Variants in EZH1 observed in about 807,000 individuals in gnomAD.
The protein encoded by EZH1 is histone-lysine N-methyltransferase EZH1.
EZH1 carries 33 observed loss-of-function variants against 100.5 expected under a neutral mutation model. That is an observed-to-expected ratio of 0.33 (90% CI 0.25 to 0.44). EZH1 has a LOEUF of 0.44. EZH1 is among the 20% of genes least tolerant of loss of function. The probability of loss-of-function intolerance (pLI) is 1.00; values close to 1 mark genes in which losing one functional copy is unlikely to be tolerated. For missense variants in EZH1, 475 were observed against 928.4 expected (o/e 0.51, Z 6.35); for synonymous variants, 272 against 313.8 (o/e 0.87, Z 1.41).
intron 11 of EZH1, 28 bp downstream of exon 11, chr17:42,713,179 GAA>G (rs1567989428): frequency 1.2e-6 from 2 of 1,608,796 alleles, no homozygotes; most frequent in African/African-American, 1.3e-5. Flanking sequence ...TGCATGGAAA[GAA>G]AAAGTCTTCA....
In EZH1 at chr17:42,705,088, C is replaced by G; in HGVS notation, c.1935G>C (p.Glu645Asp). ...KNEFISEYCG[E>D]LISQDEADRR... ...TGTGGGCCAAAACTATAGCACTCAC[C>G]TCACCACAGTATTCAGAAATGAATT... Residue 645 changes from glutamate to aspartate, a missense_variant and splice_region_variant, in exon 17 of 21, where the codon GAG (glutamate) becomes GAC (aspartate). By Grantham distance (45) the Glu-to-Asp change is conservative. Coordinates refer to ENST00000428826, the MANE Select transcript of EZH1 (RefSeq NM_001991.5). The G allele has an allele frequency of 6.2e-7, 1 of 1,612,730 alleles. No homozygotes were observed. Among genetic ancestry groups the G allele is most frequent in the Non-Finnish European group, 8.5e-7 (1 of 1,178,968 alleles).
intron 19 of EZH1, 58 bp from the exon 20 acceptor site, chr17:42,703,019 T>C: frequency 6.5e-7 from 1 of 1,530,654 alleles, no homozygotes; most frequent in Non-Finnish European, 9.0e-7. Flanking sequence ...CAATAACCAG[T>C]AGGCTTCTGG....
chr17:42,704,416 T>A, intron 18 of EZH1, among the ~76,000 whole-genome samples, 186 bp downstream of exon 18: 1 of 151,886 alleles, frequency 6.6e-6, no homozygotes. Flanking sequence ...TGGCAGGTGC[T>A]TGTAGTCCCA....
chr17:42,742,600 C>G (rs1202939949), intron 1 of EZH1, among the ~76,000 whole-genome samples: 1 of 152,190 alleles, frequency 6.6e-6, no homozygotes, highest in Non-Finnish European at 1.5e-5. Flanking sequence ...TCACCTGACT[C>G]CCAGTGCCAG....
rs2143794936 is a variant in EZH1 at position 42,720,152 on chromosome 17, C to T, written c.664+121G>A. 5 of 1,020,300 alleles carry T rather than the reference C, an allele frequency of 4.9e-6. No homozygotes were observed. In the South Asian group the frequency reaches 6.8e-5, roughly 14 times the overall value. The allele number at this position is 1,020,300 out of a possible 1,614,324, so 63.2% of individuals were successfully genotyped here. On this transcript the variant is annotated intron_variant, in intron 7 of 20. Coordinates refer to ENST00000428826, the MANE Select transcript of EZH1 (RefSeq NM_001991.5). ...GCTATCACTTAATGATCATGTTCTCCTTTTAAGTGAACCAACAAGAAGCAC... is the reference window on the plus strand; with the variant it reads ...GCTATCACTTAATGATCATGTTCTCTTTTTAAGTGAACCAACAAGAAGCAC...
chr17:42,727,537 C>T (rs1201068846), intron 4 of EZH1, 98 bp downstream of exon 4: 5 of 1,421,792 alleles, frequency 3.5e-6, no homozygotes, highest in Non-Finnish European at 4.8e-6. Context: ...GCCACCATAC[C>T]TTGTCTTACT....
intron 10 of EZH1, among the ~76,000 whole-genome samples, chr17:42,714,796 G>A (rs917042482): frequency 6.8e-5 from 10 of 148,052 alleles, no homozygotes; most frequent in Admixed American, 5.6e-4. Context: ...GATATTATGT[G>A]CCTATGCTGT....
At chr17:42,723,373 C>A (rs1425279379) in intron 5 of EZH1, among the ~76,000 whole-genome samples, 192 of 142,428 alleles carry the variant, frequency 1.3e-3, no homozygotes, top group South Asian at 1.8e-3. Flanking sequence ...GACTCCGTCT[C>A]AAAAAAAAAA....
At chr17:42,707,314 GCA>G (rs2053377558) in intron 15 of EZH1, among the ~76,000 whole-genome samples, 1 of 151,974 alleles carries the variant, frequency 6.6e-6, no homozygotes, top group African/African-American at 2.4e-5. Context: ...AGGCTGGAGT[GCA>G]GTGGCACAAT....
intron 2 of EZH1, among the ~76,000 whole-genome samples, chr17:42,729,418 C>T (rs968518405): frequency 6.6e-6 from 1 of 151,708 alleles, no homozygotes; most frequent in African/African-American, 2.4e-5. Context: ...AAAAACAAAA[C>T]AAAACAAAAA....
chr17:42,731,135 A>G (rs1356475831), intron 1 of EZH1, among the ~76,000 whole-genome samples: 2 of 149,626 alleles, frequency 1.3e-5, no homozygotes, highest in Non-Finnish European at 3.0e-5. Flanking sequence ...TTTTTTTTTT[A>G]AAGACAGAGT....
intron 4 of EZH1, among the ~76,000 whole-genome samples, chr17:42,724,805 T>A (rs1281000216): frequency 6.6e-6 from 1 of 151,212 alleles, no homozygotes; most frequent in Non-Finnish European, 1.5e-5. Flanking sequence ...AGAAAAAAAA[T>A]GATCTTAGTA....
chr17:42,703,692 A>AAAGAG, intron 19 of EZH1, 48 bp downstream of exon 19: 9 of 1,307,308 alleles, frequency 6.9e-6, no homozygotes, highest in Non-Finnish European at 1.0e-5. Context: ...AAATCACAGT[A>AAAGAG]AAGAGGCATC....
At position 42,704,565 on chromosome 17, in the gene EZH1, A is replaced by G. The variant is rs747323061; in HGVS notation, c.2017+37T>C. 1.3e-5 allele frequency: 20 copies of G among 1,547,820 alleles called. 1 individual carries two copies. Among genetic ancestry groups the G allele is most frequent in the Admixed American group, 3.8e-5 (2 of 52,292 alleles). On this transcript the variant is annotated intron_variant, in intron 18 of 20. Transcript: ENST00000428826. ...TCCGTCTCAAAAAAAGAAAAAAAAA[A>G]AAGACCACCTTGGGATGAGACAAAG...
At chr17:42,728,302 C>T (rs2053865167) in intron 3 of EZH1, among the ~76,000 whole-genome samples, 1 of 149,966 alleles carries the variant, frequency 6.7e-6, no homozygotes, top group Non-Finnish European at 1.5e-5. Flanking sequence ...TTAGTAGAGA[C>T]GAGGTTTCAC....
chr17:42,702,416 G>T lies in EZH1; in HGVS notation c.*116C>A. On this transcript the variant is annotated 3_prime_UTR_variant, in exon 21 of 21. Transcript: ENST00000428826. ...AGAGGCCTCACTACAGAGGGAGTGGGTTGGGGGGTTTCTCAGTGTGGGAGA... is the reference window on the plus strand; with the variant it reads ...AGAGGCCTCACTACAGAGGGAGTGGTTTGGGGGGTTTCTCAGTGTGGGAGA... The T allele has an allele frequency of 1.2e-6, 1 of 858,458 alleles. No homozygotes were observed. Among genetic ancestry groups the T allele is most frequent in the South Asian group, 1.7e-5 (1 of 57,784 alleles). The allele number at this position is 858,458 out of a possible 1,614,324, so 53.2% of individuals were successfully genotyped here. A position where few individuals can be genotyped will look rare whatever the true frequency, so the allele number is the denominator to read the frequency against.
chr17:42,718,250 G>A lies in EZH1; in HGVS notation c.932-183C>T, dbSNP rs2053642366. On this transcript the variant is annotated intron_variant, in intron 9 of 20. Coordinates refer to ENST00000428826, the MANE Select transcript of EZH1 (RefSeq NM_001991.5). This position sits in a 1 kb window ranked among gnomAD's most constrained non-coding sequence, Gnocchi z 4.2. Reference sequence around the variant, plus strand: ...TGCTTTCAAAGCTAAGAGGTACTGAGGGACAGATAAGTTGCTAGTTAGTCT... The same window carrying A: ...TGCTTTCAAAGCTAAGAGGTACTGAAGGACAGATAAGTTGCTAGTTAGTCT... 1.2e-6 allele frequency: 1 copy of A among 832,146 alleles called. No homozygotes were observed. The highest frequency in any genetic ancestry group is 1.7e-5 in the African/African-American group (1 of 58,452). 51.5% of individuals were successfully genotyped at this position (832,146 alleles called of 1,614,324 possible). A position where few individuals can be genotyped will look rare whatever the true frequency, so the allele number is the denominator to read the frequency against.
At chr17:42,735,727 C>A (rs1331356526) in intron 1 of EZH1, among the ~76,000 whole-genome samples, 1 of 152,150 alleles carries the variant, frequency 6.6e-6, no homozygotes, top group Non-Finnish European at 1.5e-5. Flanking sequence ...GTGGCTCATG[C>A]CTGTAATCCC....
rs888474916 is a variant in EZH1, at chr17:42,701,668, A to T, written c.*864T>A. 1.3e-5 allele frequency: 2 copies of T among 152,864 alleles called. No individual in the cohort carries two copies. Among genetic ancestry groups the T allele is most frequent in the Non-Finnish European group, 2.9e-5 (2 of 68,090 alleles). The allele number at this position is 152,864 out of a possible 1,614,324, so 9.5% of individuals were successfully genotyped here. On this transcript the variant is annotated 3_prime_UTR_variant, in exon 21 of 21. Coordinates refer to ENST00000428826, the MANE Select transcript of EZH1 (RefSeq NM_001991.5). ...GCGAGCCAGGATGCTCACACCTGCC[A>T]GGCATACCCCTAATGCTTCTTCAAT...
Sources: allele counts gnomAD v4.1 joint callset (sites outside exome capture counted in the v4.1 genomes callset), GRCh38; gene constraint gnomAD v4.1.1; non-coding constraint Gnocchi (gnomAD v3.1); transcripts MANE v1.5; gene names NCBI Gene and HGNC (gene_info 2026-07-23, HGNC 2026-07-21).